Variants in EXOC6B observed in about 807,000 individuals in gnomAD.
EXOC6B encodes the protein exocyst complex component 6B.
Under a neutral mutation model 113.5 loss-of-function variants are expected in EXOC6B, and 54 were observed. The observed-to-expected ratio is 0.48, with a 90% CI of 0.38 to 0.60. EXOC6B has a LOEUF of 0.60. Ranked by LOEUF, EXOC6B falls within the 20% of genes least tolerant of loss-of-function variation. The probability of loss-of-function intolerance (pLI) is 0.00; values close to 1 mark genes in which losing one functional copy is unlikely to be tolerated. For missense variants in EXOC6B, 797 were observed against 977.5 expected (o/e 0.82, Z 2.46); for synonymous variants, 357 against 339.0 (o/e 1.05, Z -0.58).
At chr2:72,305,191 G>A (rs149916939) in intron 20 of EXOC6B, among the ~76,000 whole-genome samples, 62 of 152,236 alleles carry the variant, frequency 4.1e-4, no homozygotes, top group African/African-American at 1.3e-3. Context: ...GAAAGGTTAC[G>A]AATTTGTCCA....
chr2:72,511,494 C>A (rs1463669945), intron 11 of EXOC6B, among the ~76,000 whole-genome samples: 4 of 152,122 alleles, frequency 2.6e-5, no homozygotes. Flanking sequence ...CACTCCTTGA[C>A]CCAAACTATC....
At chr2:72,237,473 A>G (rs1461006736) in intron 20 of EXOC6B, among the ~76,000 whole-genome samples, 3 of 152,252 alleles carry the variant, frequency 2.0e-5, no homozygotes, top group Non-Finnish European at 4.4e-5. Flanking sequence ...TCTAAGAAAA[A>G]AAATATGCAA....
At chr2:72,602,128 G>C (rs1005824785) in intron 6 of EXOC6B, among the ~76,000 whole-genome samples, 1 of 152,112 alleles carries the variant, frequency 6.6e-6, no homozygotes, top group Non-Finnish European at 1.5e-5. Flanking sequence ...CTGAAATGTA[G>C]GTTCAGGTAA....
intron 17 of EXOC6B, among the ~76,000 whole-genome samples, chr2:72,465,832 C>T (rs1472200491): frequency 6.6e-6 from 1 of 152,198 alleles, no homozygotes; most frequent in Non-Finnish European, 1.5e-5. Context: ...TAAATACTCT[C>T]TATTTAAAAC....
chr2:72,279,147 AC>A (rs1353984676), intron 20 of EXOC6B, among the ~76,000 whole-genome samples: 19 of 152,250 alleles, frequency 1.2e-4, no homozygotes, highest in African/African-American at 4.3e-4. Context: ...CCTTCCCTTC[AC>A]TATCTCTTCC....
intron 18 of EXOC6B, among the ~76,000 whole-genome samples, chr2:72,393,626 A>C (rs888971810): frequency 2.0e-5 from 3 of 152,210 alleles, no homozygotes; most frequent in Admixed American, 2.0e-4. Context: ...TACTAAATTT[A>C]TATGAAACCA....
At chr2:72,500,335 T>G (rs1010694751) in intron 11 of EXOC6B, among the ~76,000 whole-genome samples, 3 of 152,182 alleles carry the variant, frequency 2.0e-5, no homozygotes, top group Non-Finnish European at 2.9e-5. Flanking sequence ...TCAAAATAAA[T>G]TTGTATTTCT....
intron 6 of EXOC6B, among the ~76,000 whole-genome samples, chr2:72,601,170 GTGTGTGTA>G (rs1670413130): frequency 1.6e-5 from 1 of 61,284 alleles, no homozygotes. Flanking sequence ...GTGTGTGTGT[GTGTGTGTA>G]TATCTTTTTT....
At chr2:72,242,515 T>A (rs1682378705) in intron 20 of EXOC6B, among the ~76,000 whole-genome samples, 1 of 151,952 alleles carries the variant, frequency 6.6e-6, no homozygotes, top group African/African-American at 2.4e-5. Context: ...AAAAGAATTA[T>A]TGAAATGTTC....
At chr2:72,495,305 G>T in intron 15 of EXOC6B, 125 bp downstream of exon 15, 1 of 565,116 alleles carries the variant, frequency 1.8e-6, no homozygotes. Context: ...GCCATGCAGT[G>T]AAAAGCTAAT....
intron 6 of EXOC6B, among the ~76,000 whole-genome samples, chr2:72,680,515 G>A (rs1333417649): frequency 6.6e-6 from 1 of 152,162 alleles, no homozygotes; most frequent in Admixed American, 6.5e-5. Flanking sequence ...CAACACGGTA[G>A]ATCACCTGAG....
chr2:72,191,453 T>C (rs1357671202), intron 20 of EXOC6B, among the ~76,000 whole-genome samples: 2 of 152,190 alleles, frequency 1.3e-5, no homozygotes, highest in Non-Finnish European at 2.9e-5. Flanking sequence ...GTAGAGACAG[T>C]TTGTTGGCTC....
At chr2:72,459,703 A>C (rs1697497303) in intron 18 of EXOC6B, among the ~76,000 whole-genome samples, 1 of 152,188 alleles carries the variant, frequency 6.6e-6, no homozygotes, top group South Asian at 2.1e-4. Flanking sequence ...AGGAAATAAA[A>C]GAGGATACAA....
At chr2:72,474,866 A>G (rs1456812280) in intron 17 of EXOC6B, among the ~76,000 whole-genome samples, 2 of 152,066 alleles carry the variant, frequency 1.3e-5, no homozygotes, top group Non-Finnish European at 2.9e-5. Context: ...TACATCTACT[A>G]TAACAGTCAC....
chr2:72,436,232 C>G (rs1695864057), intron 18 of EXOC6B, among the ~76,000 whole-genome samples: 1 of 152,180 alleles, frequency 6.6e-6, no homozygotes, highest in South Asian at 2.1e-4. Flanking sequence ...GGCCCCCACT[C>G]TCTTCTGGAT....
rs185458824 is a variant in EXOC6B, at chr2:72,389,696, C to T, written c.1981-9826G>A. On this transcript the variant is annotated intron_variant, in intron 18 of 21. Coordinates refer to ENST00000272427, the MANE Select transcript of EXOC6B (RefSeq NM_015189.3). ...TTTTTTATTCTTTCAGCATTTTAAT[C>T]GTGTCATTTCATTATTTCTGGTTTG... is the stretch of plus-strand genomic sequence containing the variant. Among the ~76,000 whole-genome samples, 19 of 152,034 alleles carry T rather than the reference C, an allele frequency of 1.2e-4. 1 individual carries two copies. The highest frequency in any genetic ancestry group is 4.3e-4 in the African/African-American group (18 of 41,494).
At chr2:72,510,522 A>C (rs1269866908) in intron 11 of EXOC6B, among the ~76,000 whole-genome samples, 5 of 151,686 alleles carry the variant, frequency 3.3e-5, no homozygotes, top group African/African-American at 9.6e-5. Context: ...TAATAATATA[A>C]TCCTACAATG....
At chr2:72,786,162 G>C in intron 1 of EXOC6B, among the ~76,000 whole-genome samples, 1 of 152,304 alleles carries the variant, frequency 6.6e-6, no homozygotes, top group East Asian at 1.9e-4. Context: ...AGAAAATATT[G>C]AAAGAATCGT....
intron 18 of EXOC6B, among the ~76,000 whole-genome samples, chr2:72,400,636 G>C (rs998604210): frequency 1.3e-5 from 2 of 148,664 alleles, no homozygotes; most frequent in African/African-American, 5.0e-5. Context: ...CAAAGGACAT[G>C]AGCAGACAAT....
Sources: gnomAD v4.1 joint callset for allele counts (sites outside exome capture counted in the v4.1 genomes callset) on GRCh38, gnomAD v4.1.1 for gene constraint, MANE v1.5 for transcripts, NCBI Gene and HGNC (gene_info 2026-07-23, HGNC 2026-07-21) for gene names.